The following HECW2 variants were observed in gnomAD, a reference collection of about 807,000 sequenced individuals.
The protein encoded by HECW2 is E3 ubiquitin-protein ligase HECW2.
Under a neutral mutation model 175.2 loss-of-function variants are expected in HECW2, and 61 were observed. The observed-to-expected ratio is 0.35, with a 90% CI of 0.28 to 0.43. HECW2 has a LOEUF of 0.43. Ranked by LOEUF, HECW2 falls within the 20% of genes least tolerant of loss-of-function variation. The pLI is 1.00. For synonymous variants in HECW2, 671 were observed against 731.0 expected (o/e 0.92, Z 1.32); for missense variants, 1,524 against 2,000.5 (o/e 0.76, Z 4.54).
chr2:196,402,755 TAAATCAAATAAAG>T (rs1254720073), intron 2 of HECW2, among the ~76,000 whole-genome samples: 1 of 151,430 alleles, frequency 6.6e-6, no homozygotes, highest in African/African-American at 2.4e-5. Flanking sequence ...GTGAATATTG[TAAATCAAATAAAG>T]TAATCAATTA....
At chr2:196,532,500 G>C (rs969312363) in intron 1 of HECW2, among the ~76,000 whole-genome samples, 8 of 152,096 alleles carry the variant, frequency 5.3e-5, no homozygotes, top group African/African-American at 1.9e-4. Flanking sequence ...CTAGGGGAGG[G>C]ACAGCATTAG....
intron 1 of HECW2, among the ~76,000 whole-genome samples, chr2:196,523,202 G>T (rs1199797239): frequency 1.3e-5 from 2 of 152,132 alleles, no homozygotes; most frequent in Non-Finnish European, 2.9e-5. Context: ...TCCCTTGTAA[G>T]TTGGATTCCT....
chr2:196,449,397 T>G (rs959091134), intron 1 of HECW2, among the ~76,000 whole-genome samples: 1 of 152,206 alleles, frequency 6.6e-6, no homozygotes, highest in African/African-American at 2.4e-5. Flanking sequence ...GAAGCAAGGT[T>G]TGAAGTCTGA....
At chr2:196,208,640 G>A (rs1001048390) in intron 28 of HECW2, among the ~76,000 whole-genome samples, 2 of 152,224 alleles carry the variant, frequency 1.3e-5, no homozygotes, top group Non-Finnish European at 2.9e-5. Context: ...TCTAACCCGA[G>A]TCTTGGGGAC....
chr2:196,438,159 T>C (rs531038641), intron 1 of HECW2, among the ~76,000 whole-genome samples: 12 of 152,018 alleles, frequency 7.9e-5, no homozygotes, highest in Middle Eastern at 3.4e-3. Context: ...AGAATGAAGA[T>C]GTAGGAAAGA....
Position 196,313,998 on chromosome 2 carries a change from C to T in HECW2, c.2434+3276G>A, listed in dbSNP as rs78635675. Among the ~76,000 whole-genome samples the T allele has an allele frequency of 6.8e-3, 1,037 of 152,312 alleles. 16 individuals are homozygous for T. Among genetic ancestry groups the T allele is most frequent in the African/African-American group, 0.024 (993 of 41,570 alleles). On this transcript the variant is annotated intron_variant, in intron 10 of 28. Transcript: ENST00000644978. ...TTCACTTGAGCCCAGGAGTTTGAGG[C>T]CGCAGTGCACCATGATCATGCCACA...
chr2:196,213,533 C>A (rs1006609672), intron 28 of HECW2, among the ~76,000 whole-genome samples: 7 of 152,060 alleles, frequency 4.6e-5, no homozygotes, highest in African/African-American at 1.7e-4. Flanking sequence ...CTCATCAGAC[C>A]CCAAAAGATG....
chr2:196,504,023 C>T (rs575343467), intron 1 of HECW2, among the ~76,000 whole-genome samples: 5 of 152,134 alleles, frequency 3.3e-5, no homozygotes, highest in East Asian at 3.9e-4. Context: ...CTGCCAGGCG[C>T]GGTGGCTCAT....
Position 196,503,654 on chromosome 2 carries a change from G to A in HECW2, c.-35-70196C>T, listed in dbSNP as rs78652762. ...CTGTGGCAGGGAGTGGTGTCTCCCC[G>A]TAACAGCAGAGTACACAGCCCAGCA... On this transcript the variant is annotated intron_variant, in intron 1 of 28. Coordinates refer to ENST00000644978, the MANE Select transcript of HECW2 (RefSeq NM_001348768.2). 1.6e-3 allele frequency among the ~76,000 whole-genome samples: 244 copies of A among 152,160 alleles called. 3 individuals carry two copies. In the East Asian group the frequency reaches 0.034, roughly 21 times the overall value.
chr2:196,478,746 CCTCT>C (rs1238326116), intron 1 of HECW2, among the ~76,000 whole-genome samples: 1 of 152,064 alleles, frequency 6.6e-6, no homozygotes, highest in Non-Finnish European at 1.5e-5. Context: ...AAGCTACCTT[CCTCT>C]CTATGTCATG....
At chr2:196,298,539 G>A (rs193205544) in intron 13 of HECW2, among the ~76,000 whole-genome samples, 80 of 151,504 alleles carry the variant, frequency 5.3e-4, no homozygotes, top group Middle Eastern at 6.8e-3. Flanking sequence ...GGGTACATGT[G>A]CACAACGTGC....
chr2:196,533,931 C>A (rs573127041), intron 1 of HECW2, among the ~76,000 whole-genome samples: 1 of 152,282 alleles, frequency 6.6e-6, no homozygotes, highest in South Asian at 2.1e-4. Flanking sequence ...TTGCTATGAA[C>A]CACCTTACCT....
chr2:196,398,628 T>A (rs1014294495), intron 2 of HECW2, among the ~76,000 whole-genome samples: 3 of 152,194 alleles, frequency 2.0e-5, no homozygotes, highest in Non-Finnish European at 4.4e-5. Context: ...CAAGGTGGCA[T>A]CTTTCTCTAT....
intron 21 of HECW2, among the ~76,000 whole-genome samples, chr2:196,232,895 C>T (rs1343586849): frequency 6.6e-6 from 1 of 152,210 alleles, no homozygotes; most frequent in Non-Finnish European, 1.5e-5. Flanking sequence ...TTTTTATCTG[C>T]TGACTTTTAA....
At chr2:196,335,385 C>A (rs954534899) in intron 3 of HECW2, among the ~76,000 whole-genome samples, 1 of 152,146 alleles carries the variant, frequency 6.6e-6, no homozygotes, top group South Asian at 2.1e-4. Flanking sequence ...AGTGTCACTG[C>A]GAGATGCATT....
At chr2:196,402,505 A>T (rs1256637814) in intron 2 of HECW2, among the ~76,000 whole-genome samples, 1 of 152,126 alleles carries the variant, frequency 6.6e-6, no homozygotes, top group Admixed American at 6.5e-5. Context: ...TCCTTCACTG[A>T]TTCAGTCCCC....
chr2:196,573,100 C>G (rs531557076), intron 1 of HECW2, among the ~76,000 whole-genome samples: 15 of 152,130 alleles, frequency 9.9e-5, no homozygotes, highest in Admixed American at 8.5e-4. Context: ...AACCATGTTT[C>G]AAGATCTAAA....
intron 10 of HECW2, among the ~76,000 whole-genome samples, chr2:196,312,247 T>TGGGGGG (rs60211792): frequency 6.9e-5 from 6 of 87,110 alleles, no homozygotes; most frequent in Non-Finnish European, 7.2e-5. Flanking sequence ...CAGGGATGGG[T>TGGGGGG]GGGGGGGTGC....
At chr2:196,535,427 G>A (rs900148741) in intron 1 of HECW2, among the ~76,000 whole-genome samples, 1 of 152,166 alleles carries the variant, frequency 6.6e-6, no homozygotes, top group Admixed American at 6.5e-5. Flanking sequence ...TTTACATGCA[G>A]CGGTTAGAGT....
Sources: gnomAD v4.1 joint callset for allele counts (sites outside exome capture counted in the v4.1 genomes callset) on GRCh38, gnomAD v4.1.1 for gene constraint, MANE v1.5 for transcripts, NCBI Gene and HGNC (gene_info 2026-07-23, HGNC 2026-07-21) for gene names.